PDZD2: variants seen among roughly 807,000 people sequenced by gnomAD.
PDZD2 encodes the protein PDZ domain containing 2, also known as PDZ domain-containing protein 2.
A neutral mutation model predicts 220.7 loss-of-function variants in PDZD2; 90 were observed. The ratio of observed to expected loss-of-function variants is 0.41; its 90% CI spans 0.34 to 0.49. The LOEUF (loss-of-function observed/expected upper bound fraction) is 0.49, where lower values mean the gene tolerates loss of function less well. Ranked by LOEUF, PDZD2 falls within the 20% of genes least tolerant of loss-of-function variation. PDZD2 has a pLI of 0.28. For missense variants in PDZD2, 3,174 were observed against 3,608.5 expected (o/e 0.88, Z 3.08); for synonymous variants, 1,375 against 1,450.5 (o/e 0.95, Z 1.18).
intron 2 of PDZD2, among the ~76,000 whole-genome samples, chr5:31,869,562 TCAAAAGAAAAAAAAAA>T (rs1738578886): frequency 6.6e-6 from 1 of 151,306 alleles, no homozygotes; most frequent in South Asian, 2.1e-4. Flanking sequence ...AGACTCTGTC[TCAAAAGAAAAAAAAAA>T]CAAAAGAAAA....
chr5:32,064,937 C>G (rs1443434955), intron 14 of PDZD2, among the ~76,000 whole-genome samples: 1 of 152,136 alleles, frequency 6.6e-6, no homozygotes, highest in Non-Finnish European at 1.5e-5. Context: ...CACTGCACAC[C>G]AGCCTGGGTG....
intron 2 of PDZD2, among the ~76,000 whole-genome samples, chr5:31,965,018 G>A (rs974377580): frequency 5.3e-5 from 8 of 152,164 alleles, no homozygotes; most frequent in Non-Finnish European, 7.3e-5. Flanking sequence ...CACCGCGCCC[G>A]GCCAGTTTTT....
chr5:31,916,508 G>A (rs1454716284), intron 2 of PDZD2, among the ~76,000 whole-genome samples: 1 of 152,268 alleles, frequency 6.6e-6, no homozygotes, highest in African/African-American at 2.4e-5. Context: ...TCCCAGCCCA[G>A]CAAGTGAGGC....
chr5:31,991,401 C>T (rs1169479589), intron 3 of PDZD2, among the ~76,000 whole-genome samples: 3 of 151,984 alleles, frequency 2.0e-5, no homozygotes, highest in Non-Finnish European at 4.4e-5. Flanking sequence ...AGATGGTGCT[C>T]GTGGTTCAGA....
chr5:31,684,136 C>T (rs1444784497), intron 1 of PDZD2, among the ~76,000 whole-genome samples: 2 of 152,128 alleles, frequency 1.3e-5, no homozygotes, highest in South Asian at 2.1e-4. Context: ...TGCTGATGCC[C>T]CCGTACAAAT....
chr5:32,061,194 A>G, intron 14 of PDZD2, 60 bp downstream of exon 14: 1 of 1,558,630 alleles, frequency 6.4e-7, no homozygotes, highest in South Asian at 1.1e-5. Context: ...AGGATATCGT[A>G]TACTCTTTGG....
At position 32,105,798 on chromosome 5, in the gene PDZD2, T is replaced by G. The variant is rs536743836; in HGVS notation, c.8354-2171T>G. ...ATGAGTAAATGGAGAGAGAGACATA[T>G]CCTGCTCAAATCTGTTAAGATTCAG... On this transcript the variant is annotated intron_variant, in intron 24 of 24. Transcript: ENST00000438447. Among the ~76,000 whole-genome samples the G allele has an allele frequency of 1.3e-4, 20 of 152,338 alleles. 1 individual carries two copies. The East Asian group carries it at 3.9e-3, about 29-fold the overall frequency.
chr5:32,063,076 G>C (rs1173941159), intron 14 of PDZD2, among the ~76,000 whole-genome samples: 4 of 125,086 alleles, frequency 3.2e-5, no homozygotes, highest in Non-Finnish European at 6.9e-5. Context: ...ACGGAGTCTA[G>C]CTCTATAGCC....
intron 2 of PDZD2, among the ~76,000 whole-genome samples, chr5:31,955,290 T>G (rs1334036569): frequency 6.9e-5 from 8 of 115,360 alleles, no homozygotes; most frequent in Non-Finnish European, 9.6e-5. Context: ...CTTTGGTGGG[T>G]TTTTTTTTTT....
chr5:32,071,607 A>C (rs1740751910), intron 16 of PDZD2, among the ~76,000 whole-genome samples, 189 bp downstream of exon 16: 1 of 152,210 alleles, frequency 6.6e-6, no homozygotes, highest in Admixed American at 6.5e-5. Context: ...TTTGCTAAAC[A>C]CTTATCCAGG....
At chr5:31,941,249 C>T (rs1030267916) in intron 2 of PDZD2, among the ~76,000 whole-genome samples, 2 of 152,214 alleles carry the variant, frequency 1.3e-5, no homozygotes, top group Admixed American at 1.3e-4. Flanking sequence ...CCAAGGAGCC[C>T]CATCTTTGAG....
chr5:31,884,056 T>C (rs111906651), intron 2 of PDZD2, among the ~76,000 whole-genome samples: 5,142 of 152,128 alleles, frequency 0.034, 306 homozygotes, highest in African/African-American at 0.12. Context: ...GTACTAAAAA[T>C]ACAAAAATTA....
chr5:31,839,139 C>T (rs1199901257), intron 2 of PDZD2, among the ~76,000 whole-genome samples: 2 of 152,174 alleles, frequency 1.3e-5, no homozygotes, highest in East Asian at 1.9e-4. Flanking sequence ...CTTTTGAGTT[C>T]CTTCAGTTTG....
In PDZD2 at chr5:32,057,884, C is replaced by T. The variant is rs368150455; in HGVS notation, c.1981C>T (p.Arg661Trp). ...TTCCTCACTGTTTTCTCAGCAAATC[C>T]GGAGTGGATTATTTGTTTTAACGGT... ...QEAIHTFKQIRSGLFVLTVRT... is the reference protein window; with the variant it reads ...QEAIHTFKQIWSGLFVLTVRT... The change falls in exon 12 of 25, where the codon CGG becomes TGG. Residue 661 changes from arginine to tryptophan, a missense_variant. By Grantham distance (101) the Arg-to-Trp change is moderately radical (BLOSUM62 -3). Transcript: ENST00000438447. 17 of 1,610,204 alleles carry T rather than the reference C, an allele frequency of 1.1e-5. No homozygotes were observed. Among genetic ancestry groups the T allele is most frequent in the Admixed American group, 1.7e-5 (1 of 59,890 alleles).
intron 2 of PDZD2, among the ~76,000 whole-genome samples, chr5:31,946,911 C>T (rs971266783): frequency 6.6e-6 from 1 of 152,112 alleles, no homozygotes; most frequent in Non-Finnish European, 1.5e-5. Flanking sequence ...ACGACATTGC[C>T]CAGGCTGGTT....
intron 2 of PDZD2, among the ~76,000 whole-genome samples, chr5:31,902,522 G>A (rs183612542): frequency 1.9e-4 from 28 of 145,624 alleles, no homozygotes; most frequent in Admixed American, 1.0e-3. Context: ...TCATTCTGTC[G>A]CCCAGGCTGG....
Position 32,110,056 on chromosome 5 carries a change from TG to T in PDZD2, c.*1922del. ...GCTTGATTGATAGATATTGATTGAT[TG>T]TTTTTCAGTCTCTGGGGTCAGTTTT... On this transcript the variant is annotated 3_prime_UTR_variant, in exon 25 of 25. Transcript: ENST00000438447. 1 of 152,412 alleles carries T rather than the reference TG, an allele frequency of 6.6e-6. No individual in the cohort carries two copies. The highest frequency in any genetic ancestry group is 1.5e-5 in the Non-Finnish European group (1 of 68,020). 9.4% of individuals were successfully genotyped at this position (152,412 alleles called of 1,614,324 possible).
At chr5:31,878,762 T>C (rs1254073447) in intron 2 of PDZD2, among the ~76,000 whole-genome samples, 1 of 151,544 alleles carries the variant, frequency 6.6e-6, no homozygotes, top group East Asian at 2.0e-4. Flanking sequence ...GGGGTTTCAC[T>C]GTGTTAGCCA....
intron 2 of PDZD2, among the ~76,000 whole-genome samples, chr5:31,874,727 C>T (rs912804679): frequency 6.7e-6 from 1 of 148,986 alleles, no homozygotes; most frequent in African/African-American, 2.5e-5. Context: ...TGCCACTACA[C>T]TCCAGTCTGG....
Sources: gnomAD v4.1 joint callset for allele counts (sites outside exome capture counted in the v4.1 genomes callset) on GRCh38, gnomAD v4.1.1 for gene constraint, MANE v1.5 for transcripts, NCBI Gene and HGNC (gene_info 2026-07-23, HGNC 2026-07-21) for gene names.